Variants in OPHN1 observed in about 807,000 individuals in gnomAD.
OPHN1 encodes oligophrenin 1.
In OPHN1, 11 loss-of-function variants were observed where a neutral mutation model predicts 60.7. The observed-to-expected ratio is 0.18, with a 90% CI of 0.11 to 0.30. The LOEUF (loss-of-function observed/expected upper bound fraction) is 0.30. Among genes scored for constraint, OPHN1 ranks in the 10% least tolerant of loss-of-function variants. The probability of loss-of-function intolerance (pLI) is 1.00; values close to 1 mark genes in which losing one functional copy is unlikely to be tolerated. For synonymous variants in OPHN1, 226 were observed against 222.6 expected, an observed-to-expected ratio of 1.02 and a Z score of -0.14; for missense variants, 449 against 611.0, an observed-to-expected ratio of 0.73 and a Z score of 2.80.
chrX:68,061,878 T>C (rs2076894426), intron 21 of OPHN1, among the ~76,000 whole-genome samples: 1 of 111,621 alleles, frequency 9.0e-6, no homozygotes, highest in Admixed American at 9.5e-5. Context: ...ACTGAATAGC[T>C]TTTACTAAAT....
intron 15 of OPHN1, among the ~76,000 whole-genome samples, chrX:68,180,546 G>T (rs968642649): frequency 4.5e-5 from 5 of 111,354 alleles, no homozygotes; most frequent in Non-Finnish European, 9.4e-5. Flanking sequence ...TTAATAAATG[G>T]AGACGTTAGG....
intron 2 of OPHN1, among the ~76,000 whole-genome samples, chrX:68,322,482 A>G (rs1280897728): frequency 1.8e-5 from 2 of 112,052 alleles, no homozygotes; most frequent in African/African-American, 6.5e-5. Context: ...GCCATGGAAT[A>G]CTATTCAATA....
chrX:68,097,796 C>T (rs1016601913), intron 18 of OPHN1, among the ~76,000 whole-genome samples: 5 of 111,230 alleles, frequency 4.5e-5, no homozygotes, highest in African/African-American at 1.6e-4. Flanking sequence ...AATCCCAACA[C>T]GGCCACTTAC....
intron 15 of OPHN1, among the ~76,000 whole-genome samples, chrX:68,145,621 C>G (rs186324229): frequency 1.8e-5 from 2 of 111,880 alleles, no homozygotes; most frequent in African/African-American, 6.5e-5. Flanking sequence ...AAATTAAATA[C>G]TGTAATCAAT....
chrX:68,157,579 C>T (rs1402970639), intron 15 of OPHN1, among the ~76,000 whole-genome samples: 1 of 111,311 alleles, frequency 9.0e-6, no homozygotes, highest in Non-Finnish European at 1.9e-5. Context: ...GACTATTAGA[C>T]GGGGGAAGAA....
intron 2 of OPHN1, among the ~76,000 whole-genome samples, chrX:68,394,295 T>C (rs1195539503): frequency 1.8e-5 from 2 of 111,727 alleles, no homozygotes; most frequent in Non-Finnish European, 1.9e-5. Context: ...CTTTCTGGTC[T>C]GTTCTGTTGT....
chrX:68,171,200 A>T (rs1348998022), intron 15 of OPHN1, among the ~76,000 whole-genome samples: 1 of 111,140 alleles, frequency 9.0e-6, no homozygotes, highest in East Asian at 2.8e-4. Context: ...ATTATTATGC[A>T]TTGCATGCCT....
At chrX:68,109,082 G>A (rs748292065) in intron 18 of OPHN1, among the ~76,000 whole-genome samples, 14 of 110,655 alleles carry the variant, frequency 1.3e-4, no homozygotes, top group Non-Finnish European at 1.9e-4. Flanking sequence ...TCACGGAGCC[G>A]TGCAACTGTC....
Position 68,317,599 on chromosome X carries a change from GAAA to G in OPHN1, c.155-18506_155-18504del, listed in dbSNP as rs1569278506. ...AGAGAAAGAAAGAAAGAGAGAGAAA[GAAA>G]AAAGAAAGGAGGGAGTGAGGGAAGG... On this transcript the variant is annotated intron_variant, in intron 2 of 24. Coordinates refer to ENST00000355520, the MANE Select transcript of OPHN1 (RefSeq NM_002547.3). 4.2e-3 allele frequency among the ~76,000 whole-genome samples: 346 copies of G among 82,314 alleles called. 10 individuals are homozygous for G. Among genetic ancestry groups the G allele is most frequent in the African/African-American group, 0.021 (328 of 15,896 alleles). 71.5% of individuals were successfully genotyped at this position (82,314 alleles called of 115,157 possible). A position where few individuals can be genotyped will look rare whatever the true frequency, so the allele number is the denominator to read the frequency against.
At chrX:68,264,094 C>A (rs962467493) in intron 5 of OPHN1, among the ~76,000 whole-genome samples, 3 of 111,119 alleles carry the variant, frequency 2.7e-5, no homozygotes, top group African/African-American at 9.8e-5. Context: ...ACATCTTATA[C>A]AAAAATTAAT....
At chrX:68,216,899 T>C (rs1457459543) in intron 6 of OPHN1, among the ~76,000 whole-genome samples, 1 of 111,610 alleles carries the variant, frequency 9.0e-6, no homozygotes, top group Non-Finnish European at 1.9e-5. Context: ...TCACTAATCA[T>C]CAAGAAAATA....
At chrX:68,167,721 G>GTA (rs372934703) in intron 15 of OPHN1, among the ~76,000 whole-genome samples, 30 of 104,787 alleles carry the variant, frequency 2.9e-4, no homozygotes, top group African/African-American at 1.0e-3. Flanking sequence ...ATGTGTGTGT[G>GTA]TATATATATA....
chrX:68,390,909 G>A (rs1257172415), intron 2 of OPHN1, among the ~76,000 whole-genome samples: 1 of 111,848 alleles, frequency 8.9e-6, no homozygotes, highest in African/African-American at 3.2e-5. Context: ...TTACAATTCT[G>A]GATGTCAGAA....
intron 4 of OPHN1, among the ~76,000 whole-genome samples, chrX:68,279,816 A>G (rs2078011557): frequency 8.9e-6 from 1 of 112,084 alleles, no homozygotes; most frequent in African/African-American, 3.2e-5. Context: ...AAAGGGCACA[A>G]CATAATTAAA....
chrX:68,265,877 G>C (rs2078284301), intron 5 of OPHN1, among the ~76,000 whole-genome samples: 1 of 111,607 alleles, frequency 9.0e-6, no homozygotes, highest in Non-Finnish European at 1.9e-5. Context: ...ACTACATGAT[G>C]AATGCACAAG....
chrX:68,204,297 A>G (rs1181402493), intron 10 of OPHN1, among the ~76,000 whole-genome samples: 1 of 112,093 alleles, frequency 8.9e-6, no homozygotes, highest in Non-Finnish European at 1.9e-5. Flanking sequence ...GAGAGCTGAC[A>G]GGCTAAAGTA....
chrX:68,330,251 A>T (rs1344724444), intron 2 of OPHN1, among the ~76,000 whole-genome samples: 1 of 109,791 alleles, frequency 9.1e-6, no homozygotes, highest in Non-Finnish European at 1.9e-5. Flanking sequence ...GGCACCCACC[A>T]TCATGCCCAG....
At chrX:68,243,622 G>A (rs1022182224) in intron 5 of OPHN1, among the ~76,000 whole-genome samples, 5 of 110,787 alleles carry the variant, frequency 4.5e-5, no homozygotes, top group Admixed American at 9.7e-5. Context: ...TCCTGACCTC[G>A]AGTAATCCGC....
intron 3 of OPHN1, among the ~76,000 whole-genome samples, chrX:68,293,567 A>C (rs1204690302): frequency 1.8e-5 from 2 of 112,294 alleles, no homozygotes; most frequent in African/African-American, 6.5e-5. Flanking sequence ...GCATAAACAA[A>C]CAACCCACTA....
Sources: allele counts gnomAD v4.1 joint callset (sites outside exome capture counted in the v4.1 genomes callset), GRCh38; gene constraint gnomAD v4.1.1; transcripts MANE v1.5; gene names NCBI Gene and HGNC (gene_info 2026-07-23, HGNC 2026-07-21).